Variants in STK3 observed in about 807,000 individuals in gnomAD.
STK3 encodes the protein serine/threonine kinase 3.
A neutral mutation model predicts 58.0 loss-of-function variants in STK3; 41 were observed. The ratio of observed to expected loss-of-function variants is 0.71; its 90% CI spans 0.55 to 0.92. The LOEUF is 0.92. Among genes scored for constraint, STK3 ranks in the 40% least tolerant of loss-of-function variants. The pLI, the probability that STK3 is intolerant of heterozygous loss-of-function variation, is 0.00. For synonymous variants in STK3, 170 were observed against 191.0 expected, an observed-to-expected ratio of 0.89 and a Z score of 0.91; for missense variants, 479 against 602.7, an observed-to-expected ratio of 0.79 and a Z score of 2.15.
chr8:98,344,232 T>G, the STK3 span, among the ~76,000 whole-genome samples: 2 of 152,184 alleles, frequency 1.3e-5, no homozygotes, highest in Admixed American at 1.3e-4. Flanking sequence ...GACAAGTCCT[T>G]AGGAAGGTAC....
At chr8:98,508,446 G>T (rs1016121601) in intron 10 of STK3, among the ~76,000 whole-genome samples, 3 of 152,056 alleles carry the variant, frequency 2.0e-5, no homozygotes, top group African/African-American at 7.2e-5. Context: ...TAGACCAGTG[G>T]CTGCCTAGGA....
intron 6 of STK3, among the ~76,000 whole-genome samples, chr8:98,639,370 C>T (rs1163387955): frequency 6.6e-6 from 1 of 152,132 alleles, no homozygotes; most frequent in Non-Finnish European, 1.5e-5. Flanking sequence ...ACCTCAGCCT[C>T]CCAAAGTGCT....
intron 7 of STK3, among the ~76,000 whole-genome samples, chr8:98,588,140 G>T (rs1454209771): frequency 1.3e-5 from 2 of 151,896 alleles, no homozygotes; most frequent in East Asian, 1.9e-4. Context: ...ATCCTGTCAT[G>T]ATGATGTTAG....
intron 3 of STK3, among the ~76,000 whole-genome samples, chr8:98,415,164 C>T (rs976560860): frequency 6.6e-6 from 1 of 152,198 alleles, no homozygotes; most frequent in Non-Finnish European, 1.5e-5. Context: ...GAGGATGCTG[C>T]AATAAGGAAC....
chr8:98,459,989 C>A (rs1819820281), intron 10 of STK3, among the ~76,000 whole-genome samples: 1 of 152,184 alleles, frequency 6.6e-6, no homozygotes, highest in Non-Finnish European at 1.5e-5. Flanking sequence ...CTGGGGTGCT[C>A]CCTAGTGGAG....
chr8:98,829,721 T>C (rs1835456895), upstream of STK3, among the ~76,000 whole-genome samples: 1 of 152,184 alleles, frequency 6.6e-6, no homozygotes, highest in South Asian at 2.1e-4. Flanking sequence ...AGTCAACAAA[T>C]ATTTATTGAG....
intron 9 of STK3, among the ~76,000 whole-genome samples, chr8:98,529,881 TG>T (rs1191522887): frequency 2.0e-5 from 3 of 151,996 alleles, no homozygotes; most frequent in Admixed American, 6.6e-5. Context: ...GAGTGGGAAA[TG>T]GGGAGTCGGC....
chr8:98,435,214 C>T (rs773579983), intron 2 of STK3, among the ~76,000 whole-genome samples: 1 of 152,222 alleles, frequency 6.6e-6, no homozygotes, highest in Non-Finnish European at 1.5e-5. Context: ...AGGAGCCAGC[C>T]AGACAGGGCA....
At chr8:98,691,619 C>G (rs1824409062) in intron 6 of STK3, among the ~76,000 whole-genome samples, 2 of 152,016 alleles carry the variant, frequency 1.3e-5, no homozygotes, top group South Asian at 2.1e-4. Context: ...AGAGGTTAAA[C>G]AAAAAGCCCA....
chr8:98,847,761 C>T (rs1282567931), intron 3 of STK3, among the ~76,000 whole-genome samples: 2 of 151,820 alleles, frequency 1.3e-5, no homozygotes, highest in Non-Finnish European at 2.9e-5. Flanking sequence ...ATATTTCTTC[C>T]TAATTATGTG....
At chr8:98,750,953 C>T (rs1412791914) in intron 3 of STK3, among the ~76,000 whole-genome samples, 1 of 152,144 alleles carries the variant, frequency 6.6e-6, no homozygotes, top group Non-Finnish European at 1.5e-5. Context: ...TCAACATATA[C>T]AAATCAATAA....
intron 7 of STK3, 124 bp downstream of exon 7, chr8:98,595,908 C>T (rs1815785460): frequency 2.7e-6 from 3 of 1,093,088 alleles, no homozygotes; most frequent in Admixed American, 2.8e-5. Context: ...AGGGAGCAAA[C>T]AGGAGGGGAG....
At chr8:98,388,030 A>G (rs1027862841) in intron 1 of STK3, among the ~76,000 whole-genome samples, 6 of 152,188 alleles carry the variant, frequency 3.9e-5, no homozygotes, top group Admixed American at 3.3e-4. Context: ...GAGCACTGAA[A>G]TGAACAGTAA....
At chr8:98,769,367 T>C (rs1475667664) in intron 2 of STK3, among the ~76,000 whole-genome samples, 1 of 152,184 alleles carries the variant, frequency 6.6e-6, no homozygotes, top group African/African-American at 2.4e-5. Flanking sequence ...CTCATGATAG[T>C]GAATGGGTCT....
intron 7 of STK3, among the ~76,000 whole-genome samples, chr8:98,588,091 C>T (rs1385884560): frequency 6.6e-6 from 1 of 151,972 alleles, no homozygotes; most frequent in African/African-American, 2.4e-5. Context: ...GCATTTGGTC[C>T]ATTTACATTT....
At chr8:98,583,883 CAGAG>C (rs990534721) in intron 7 of STK3, among the ~76,000 whole-genome samples, 3 of 148,428 alleles carry the variant, frequency 2.0e-5, no homozygotes, top group Non-Finnish European at 3.0e-5. Flanking sequence ...GTAAGAGAGA[CAGAG>C]AGAAGAAAGA....
At chr8:98,744,022 C>T (rs1371457811) in intron 4 of STK3, among the ~76,000 whole-genome samples, 1 of 151,884 alleles carries the variant, frequency 6.6e-6, no homozygotes, top group East Asian at 1.9e-4. Flanking sequence ...AAATCAAAAC[C>T]ACAATGAGAT....
chr8:98,714,765 A>T (rs1826857843), intron 4 of STK3, among the ~76,000 whole-genome samples: 1 of 152,236 alleles, frequency 6.6e-6, no homozygotes, highest in Admixed American at 6.5e-5. Flanking sequence ...CTTTCTTCAC[A>T]GAATTGGAAA....
chr8:98,720,342 C>T (rs1024328113), intron 4 of STK3, among the ~76,000 whole-genome samples: 13 of 152,150 alleles, frequency 8.5e-5, no homozygotes, highest in African/African-American at 2.9e-4. Context: ...AAATGGACTA[C>T]CGAATGTCAT....
Sources: gnomAD v4.1 joint callset for allele counts (sites outside exome capture counted in the v4.1 genomes callset) on GRCh38, gnomAD v4.1.1 for gene constraint, MANE v1.5 for transcripts, NCBI Gene and HGNC (gene_info 2026-07-23, HGNC 2026-07-21) for gene names.